Variants in SNX13 observed in about 807,000 individuals in gnomAD.
SNX13 encodes sorting nexin-13.
A neutral mutation model predicts 133.6 loss-of-function variants in SNX13; 45 were observed. That is an observed-to-expected ratio of 0.34 (90% CI 0.27 to 0.43). The LOEUF is 0.43. Among genes scored for constraint, SNX13 ranks in the 20% least tolerant of loss-of-function variants. The pLI is 1.00. For missense variants in SNX13, 1,032 were observed against 1,145.1 expected (o/e 0.90, Z 1.43); for synonymous variants, 414 against 373.9 (o/e 1.11, Z -1.24).
chr7:17,832,539 T>C, intron 15 of SNX13: 1 of 943,738 alleles, frequency 1.1e-6, no homozygotes, highest in Non-Finnish European at 1.3e-6. Context: ...CAACAAAAAC[T>C]TTTATAATAG....
At position 17,793,219 on chromosome 7, in the gene SNX13, T is replaced by C. The variant is rs1373423883; in HGVS notation, c.*826A>G. 6.6e-6 allele frequency: 1 copy of C among 152,396 alleles called. No homozygotes were observed. Among genetic ancestry groups the C allele is most frequent in the Admixed American group, 6.6e-5 (1 of 15,212 alleles). The allele number at this position is 152,396 out of a possible 1,614,324, so 9.4% of individuals were successfully genotyped here. A position where few individuals can be genotyped will look rare whatever the true frequency, so the allele number is the denominator to read the frequency against. Reference sequence around the variant, plus strand: ...ATTTGGCAGTTCTTCCAATAAATTATATCTTCTGTATAATCAGTAATCTGT... The same window carrying C: ...ATTTGGCAGTTCTTCCAATAAATTACATCTTCTGTATAATCAGTAATCTGT... On this transcript the variant is annotated 3_prime_UTR_variant, in exon 26 of 26. Transcript: ENST00000428135.
At chr7:17,806,690 C>T (rs1223571526) in intron 20 of SNX13, among the ~76,000 whole-genome samples, 2 of 151,692 alleles carry the variant, frequency 1.3e-5, no homozygotes, top group African/African-American at 4.8e-5. Context: ...GGAACAGTTC[C>T]GGTCTGCAGC....
At chr7:17,805,078 T>C (rs1247814057) in intron 20 of SNX13, among the ~76,000 whole-genome samples, 1 of 152,138 alleles carries the variant, frequency 6.6e-6, no homozygotes, top group Admixed American at 6.5e-5. Context: ...GAAGAGACTG[T>C]CACAGTACAA....
chr7:17,867,684 A>G (rs1793566758), intron 9 of SNX13, among the ~76,000 whole-genome samples: 1 of 152,162 alleles, frequency 6.6e-6, no homozygotes, highest in South Asian at 2.1e-4. Flanking sequence ...AAATCAAAGA[A>G]CAATCAAGTA....
At chr7:17,907,579 T>C (rs1193510256) in intron 1 of SNX13, among the ~76,000 whole-genome samples, 1 of 152,124 alleles carries the variant, frequency 6.6e-6, no homozygotes, top group Non-Finnish European at 1.5e-5. Flanking sequence ...ATTGCACACC[T>C]GCAAGGCAAT....
chr7:17,921,175 C>G (rs1253418895), intron 1 of SNX13, among the ~76,000 whole-genome samples: 2 of 152,176 alleles, frequency 1.3e-5, no homozygotes, highest in African/African-American at 4.8e-5. Flanking sequence ...TTCAGTCTAT[C>G]AAGGTCTGGA....
At chr7:17,811,088 C>T (rs778011756) in intron 20 of SNX13, among the ~76,000 whole-genome samples, 14 of 151,880 alleles carry the variant, frequency 9.2e-5, no homozygotes, top group Non-Finnish European at 1.2e-4. Flanking sequence ...CTTTAAAAAC[C>T]GGCACAAGGA....
intron 11 of SNX13, among the ~76,000 whole-genome samples, chr7:17,849,784 A>T (rs994259415): frequency 2.0e-5 from 3 of 152,182 alleles, no homozygotes; most frequent in Admixed American, 6.5e-5. Context: ...GGCAAACAAA[A>T]ATACATCACA....
At chr7:17,894,864 T>C in intron 2 of SNX13, among the ~76,000 whole-genome samples, 1 of 152,180 alleles carries the variant, frequency 6.6e-6, no homozygotes, top group Non-Finnish European at 1.5e-5. Context: ...GCCCTCTCAC[T>C]AGTCCTCAGT....
chr7:17,876,799 A>G (rs1345822211), intron 5 of SNX13, among the ~76,000 whole-genome samples: 1 of 152,054 alleles, frequency 6.6e-6, no homozygotes, highest in Non-Finnish European at 1.5e-5. Flanking sequence ...ACAATAGATA[A>G]CTCAAAAACA....
intron 5 of SNX13, chr7:17,879,704 A>T (rs2128361711): frequency 6.6e-6 from 1 of 152,364 alleles, no homozygotes; most frequent in East Asian, 1.9e-4. Flanking sequence ...AGCAGTGTAC[A>T]GCTCATCATC....
At chr7:17,905,696 T>C (rs536016030) in intron 1 of SNX13, among the ~76,000 whole-genome samples, 191 of 152,346 alleles carry the variant, frequency 1.3e-3, no homozygotes, top group African/African-American at 4.5e-3. Flanking sequence ...TGCTCAACAG[T>C]GTACCCACAG....
chr7:17,809,384 A>G (rs1415127466), intron 20 of SNX13, among the ~76,000 whole-genome samples: 2 of 149,380 alleles, frequency 1.3e-5, no homozygotes, highest in African/African-American at 5.1e-5. Context: ...AGGGAAAAAG[A>G]AGGGCATTAC....
rs537620797 is a variant in SNX13 at position 17,805,254 on chromosome 7, T to TGTGTGTGTGTGTGC, written c.2065-1675_2065-1674insGCACACACACACAC. Among the ~76,000 whole-genome samples, 60 of 132,516 alleles carry TGTGTGTGTGTGTGC rather than the reference T, an allele frequency of 4.5e-4. 2 individuals carry two copies. The East Asian group carries it at 6.2e-3, about 14-fold the overall frequency. The allele number at this position is 132,516 out of a possible 152,430, so 86.9% of individuals were successfully genotyped here. On this transcript the variant is annotated intron_variant, in intron 20 of 25. Transcript: ENST00000428135. ...GTGTGTGTGTGTGTGTGTGTGTGCG[T>TGTGTGTGTGTGTGC]GCGCGCGCGCGCATGCATGCACATG...
intron 13 of SNX13, among the ~76,000 whole-genome samples, chr7:17,835,537 TATTA>T (rs1274180191): frequency 1.3e-5 from 2 of 151,960 alleles, no homozygotes; most frequent in Non-Finnish European, 2.9e-5. Context: ...AAAATTACTT[TATTA>T]AAAGAAAAAA....
intron 20 of SNX13, among the ~76,000 whole-genome samples, chr7:17,804,499 G>A (rs973386677): frequency 6.6e-6 from 1 of 151,944 alleles, no homozygotes; most frequent in Admixed American, 6.6e-5. Flanking sequence ...TAGCAAGGTG[G>A]AATACGAAGA....
chr7:17,870,773 G>A (rs1261588449), intron 8 of SNX13, among the ~76,000 whole-genome samples: 4 of 152,114 alleles, frequency 2.6e-5, no homozygotes, highest in African/African-American at 4.8e-5. Flanking sequence ...CCTCATTAGA[G>A]TTACAATTCA....
At position 17,915,778 on chromosome 7, in the gene SNX13, A is replaced by C. The variant is rs149700702; in HGVS notation, c.13-18332T>G. On this transcript the variant is annotated intron_variant, in intron 1 of 25. Transcript: ENST00000428135. ...CAGAAAACTAACCAAAAAATCCTTA[A>C]GTTAATTTGACACTTGACCAATTGG... Among the ~76,000 whole-genome samples the C allele has an allele frequency of 4.9e-3, 749 of 152,334 alleles. 5 individuals carry two copies. The highest frequency in any genetic ancestry group is 0.017 in the African/African-American group (721 of 41,572).
chr7:17,849,861 T>C (rs988514630), intron 11 of SNX13, among the ~76,000 whole-genome samples: 4 of 152,228 alleles, frequency 2.6e-5, no homozygotes, highest in Non-Finnish European at 5.9e-5. Flanking sequence ...TTGGAACCTA[T>C]CTAAACCAGT....
Sources: allele counts gnomAD v4.1 joint callset (sites outside exome capture counted in the v4.1 genomes callset), GRCh38; gene constraint gnomAD v4.1.1; transcripts MANE v1.5; gene names NCBI Gene and HGNC (gene_info 2026-07-23, HGNC 2026-07-21).